Variants in SUCLG2 observed in about 807,000 individuals in gnomAD.
SUCLG2 encodes the protein succinate--CoA ligase [GDP-forming] subunit beta, mitochondrial.
Under a neutral mutation model 47.9 loss-of-function variants are expected in SUCLG2, and 42 were observed. That is an observed-to-expected ratio of 0.88 (90% CI 0.69 to 1.14). The LOEUF (loss-of-function observed/expected upper bound fraction) is 1.14. SUCLG2 is among the 50% of genes most tolerant of loss of function. The pLI, the probability that SUCLG2 is intolerant of heterozygous loss-of-function variation, is 0.00. For missense variants in SUCLG2, 571 were observed against 525.9 expected (o/e 1.09, Z -0.84); for synonymous variants, 195 against 197.3 (o/e 0.99, Z 0.10).
chr3:67,455,084 T>A (rs1704152155), intron 9 of SUCLG2, among the ~76,000 whole-genome samples: 1 of 152,120 alleles, frequency 6.6e-6, no homozygotes. Context: ...CAAAGCAGTA[T>A]CCATTCAAAG....
intron 2 of SUCLG2, among the ~76,000 whole-genome samples, chr3:67,532,111 T>A (rs943009444): frequency 6.6e-6 from 1 of 152,158 alleles, no homozygotes; most frequent in Non-Finnish European, 1.5e-5. Context: ...GAGGAAAAAA[T>A]TAACTCTAAT....
intron 2 of SUCLG2, among the ~76,000 whole-genome samples, chr3:67,598,225 G>A (rs780815065): frequency 2.0e-5 from 3 of 151,918 alleles, no homozygotes; most frequent in Non-Finnish European, 4.4e-5. Flanking sequence ...CAGGCAACAC[G>A]CCCACCTCGG....
At chr3:67,388,201 A>C (rs1257166140) in intron 10 of SUCLG2, among the ~76,000 whole-genome samples, 1 of 152,206 alleles carries the variant, frequency 6.6e-6, no homozygotes, top group East Asian at 1.9e-4. Flanking sequence ...CTGCCTTCCA[A>C]ATTTATGCAA....
chr3:67,588,993 A>G (rs1195742334), intron 2 of SUCLG2, among the ~76,000 whole-genome samples: 1 of 152,046 alleles, frequency 6.6e-6, no homozygotes, highest in Non-Finnish European at 1.5e-5. Flanking sequence ...GGCTCTGGTG[A>G]CCTCTAAGAC....
At position 67,400,734 on chromosome 3, in the gene SUCLG2, C is replaced by G. The variant is rs1702663551; in HGVS notation, c.1180G>C (p.Glu394Gln). 6.2e-6 allele frequency: 10 copies of G among 1,611,604 alleles called. No individual in the cohort carries two copies. Among genetic ancestry groups the G allele is most frequent in the Admixed American group, 1.7e-5 (1 of 59,760 alleles). Residue 394 changes from glutamate (E) to glutamine (Q), a missense_variant, in exon 10 of 11, where the codon GAA (glutamate) becomes CAA (glutamine). By Grantham distance (29) the Glu-to-Gln change is conservative. Transcript: ENST00000307227. ...GCGGAAATCTACCATGACTCACCTT[C>G]AAGCCGGACCACCAGGGGCACCTTG... ...ELKVPLVVRLEGTNVQEAQKI... is the reference protein window; with the variant it reads ...ELKVPLVVRLQGTNVQEAQKI...
chr3:67,481,339 G>C (rs1264131840), intron 9 of SUCLG2, among the ~76,000 whole-genome samples: 1 of 152,194 alleles, frequency 6.6e-6, no homozygotes. Context: ...TCTAGACCAC[G>C]TGGACCAGGA....
chr3:67,520,737 G>A, intron 4 of SUCLG2, 103 bp from the exon 5 acceptor site: 7 of 1,331,212 alleles, frequency 5.3e-6, no homozygotes, highest in South Asian at 1.4e-5. Flanking sequence ...TCATTTTCAG[G>A]CTCTTACAGC....
At chr3:67,585,066 A>G (rs919362341) in intron 2 of SUCLG2, among the ~76,000 whole-genome samples, 5 of 152,216 alleles carry the variant, frequency 3.3e-5, no homozygotes, top group Admixed American at 2.6e-4. Context: ...TATGATATAC[A>G]ATACATAACT....
chr3:67,520,409 C>T, intron 5 of SUCLG2, 73 bp downstream of exon 5: 2 of 1,598,836 alleles, frequency 1.3e-6, no homozygotes, highest in Non-Finnish European at 1.7e-6. Flanking sequence ...TGGCCTTAGA[C>T]TCCCCATTAA....
chr3:67,577,107 A>AC (rs1352434900), intron 2 of SUCLG2, among the ~76,000 whole-genome samples: 2 of 152,128 alleles, frequency 1.3e-5, no homozygotes, highest in African/African-American at 2.4e-5. Context: ...GGCTGAGGTG[A>AC]GCAGATCACT....
intron 9 of SUCLG2, among the ~76,000 whole-genome samples, chr3:67,450,983 C>T (rs986597995): frequency 1.3e-5 from 2 of 152,184 alleles, no homozygotes; most frequent in African/African-American, 4.8e-5. Flanking sequence ...CTGTGCTAGG[C>T]CTTGTCCTAG....
chr3:67,603,609 CA>C (rs964757620), intron 2 of SUCLG2, among the ~76,000 whole-genome samples: 37 of 152,156 alleles, frequency 2.4e-4, no homozygotes, highest in African/African-American at 8.7e-4. Flanking sequence ...TCTTTCCCAA[CA>C]AAAAATAAAA....
intron 10 of SUCLG2, among the ~76,000 whole-genome samples, chr3:67,391,962 C>T (rs942862209): frequency 2.0e-5 from 3 of 152,152 alleles, no homozygotes; most frequent in Admixed American, 6.5e-5. Context: ...TGTCTGAGGT[C>T]GTTCTGTTGC....
intron 9 of SUCLG2, among the ~76,000 whole-genome samples, chr3:67,475,582 C>A (rs1320426628): frequency 6.6e-6 from 1 of 152,170 alleles, no homozygotes; most frequent in Non-Finnish European, 1.5e-5. Flanking sequence ...GTGGTCCAAA[C>A]CTTTAAATCA....
At chr3:67,370,700 T>C (rs1186396899), downstream of SUCLG2, among the ~76,000 whole-genome samples, 1 of 152,184 alleles carries the variant, frequency 6.6e-6, no homozygotes, top group Non-Finnish European at 1.5e-5. Context: ...AATTGAACAA[T>C]TATGACAATA....
At chr3:67,403,661 G>A (rs1702739788) in intron 9 of SUCLG2, among the ~76,000 whole-genome samples, 2 of 152,136 alleles carry the variant, frequency 1.3e-5, no homozygotes, top group Admixed American at 6.5e-5. Flanking sequence ...CATGACAGAG[G>A]ATTTTTGGAA....
In SUCLG2 at chr3:67,589,733, G is replaced by C. The variant is rs1708108665; in HGVS notation, c.226+19722C>G. 3.3e-5 allele frequency among the ~76,000 whole-genome samples: 5 copies of C among 152,192 alleles called. No individual in the cohort carries two copies. In the South Asian group the frequency reaches 1.0e-3, roughly 31 times the overall value. Reference sequence around the variant, plus strand: ...GGGGTGGCTGTGTGCAGGAGAGGTGGATGGACCTGAACACACATACTCATG... The same window carrying C: ...GGGGTGGCTGTGTGCAGGAGAGGTGCATGGACCTGAACACACATACTCATG... On this transcript the variant is annotated intron_variant, in intron 2 of 10. Transcript: ENST00000307227.
intron 9 of SUCLG2, among the ~76,000 whole-genome samples, chr3:67,449,668 T>C (rs973164169): frequency 1.3e-5 from 2 of 152,082 alleles, no homozygotes; most frequent in Admixed American, 1.3e-4. Flanking sequence ...CAGGCTGGGG[T>C]GCAGTGGCGT....
intron 1 of SUCLG2, among the ~76,000 whole-genome samples, chr3:67,624,437 T>A (rs981228063): frequency 6.6e-6 from 1 of 152,242 alleles, no homozygotes; most frequent in Non-Finnish European, 1.5e-5. Flanking sequence ...GAAAACTTGA[T>A]CTTAGATGCT....
Sources: allele counts gnomAD v4.1 joint callset (sites outside exome capture counted in the v4.1 genomes callset), GRCh38; gene constraint gnomAD v4.1.1; transcripts MANE v1.5; gene names NCBI Gene and HGNC (gene_info 2026-07-23, HGNC 2026-07-21).